NFIA: variants seen among roughly 807,000 people sequenced by gnomAD.
The protein encoded by NFIA is nuclear factor I A.
In NFIA, 8 loss-of-function variants were observed where a neutral mutation model predicts 62.8. The observed-to-expected ratio is 0.13, with a 90% CI of 0.07 to 0.23. The LOEUF (loss-of-function observed/expected upper bound fraction) is 0.23. NFIA is among the 10% of genes least tolerant of loss of function. The pLI, the probability that NFIA is intolerant of heterozygous loss-of-function variation, is 1.00. For synonymous variants in NFIA, 235 were observed against 238.1 expected, an observed-to-expected ratio of 0.99 and a Z score of 0.12; for missense variants, 410 against 642.1, an observed-to-expected ratio of 0.64 and a Z score of 3.91.
intron 2 of NFIA, among the ~76,000 whole-genome samples, chr1:61,249,772 C>T (rs1469076469): frequency 6.6e-6 from 1 of 152,066 alleles, no homozygotes; most frequent in African/African-American, 2.4e-5. Context: ...AAGATCATGC[C>T]ACAGCATTCC....
intron 2 of NFIA, among the ~76,000 whole-genome samples, chr1:61,221,525 T>C (rs1654014940): frequency 6.6e-6 from 1 of 152,152 alleles, no homozygotes; most frequent in South Asian, 2.1e-4. Flanking sequence ...TTAGCATTTA[T>C]TGTAAAAGCT....
chr1:61,341,372 G>A (rs957287372), intron 4 of NFIA, among the ~76,000 whole-genome samples: 1 of 152,096 alleles, frequency 6.6e-6, no homozygotes, highest in East Asian at 1.9e-4. Flanking sequence ...ATTCTTAAAA[G>A]TAGTACTTAG....
chr1:61,083,170 G>C (rs1168989399), intron 1 of NFIA, among the ~76,000 whole-genome samples: 1 of 152,158 alleles, frequency 6.6e-6, no homozygotes, highest in Non-Finnish European at 1.5e-5. Context: ...TTTCGGCGGG[G>C]TTGCAGTCCA....
At chr1:61,339,783 A>C (rs199811804) in intron 4 of NFIA, among the ~76,000 whole-genome samples, 1,586 of 65,434 alleles carry the variant, frequency 0.024, 26 homozygotes, top group African/African-American at 0.064. Context: ...ATGGGTGGCC[A>C]AGCTTGATTT....
chr1:61,214,388 A>G lies in NFIA; in HGVS notation c.560-63132A>G, dbSNP rs183442558. On this transcript the variant is annotated intron_variant, in intron 2 of 10. Transcript: ENST00000403491. ...TGCTAATATCTTACATAGAATCTCA[A>G]TGATGGGAATTGGGAGTAGAAGGCA... is the stretch of plus-strand genomic sequence containing the variant. Among the ~76,000 whole-genome samples, 10 of 152,268 alleles carry G rather than the reference A, an allele frequency of 6.6e-5. No homozygotes were observed. In the East Asian group the frequency reaches 1.4e-3, roughly 21 times the overall value.
intron 9 of NFIA, among the ~76,000 whole-genome samples, chr1:61,419,354 G>T (rs539775070): frequency 6.6e-6 from 1 of 152,268 alleles, no homozygotes; most frequent in African/African-American, 2.4e-5. Context: ...AAAAGCTGAG[G>T]TGGGAAGATC....
chr1:61,414,511 A>G (rs1458587122), intron 9 of NFIA, among the ~76,000 whole-genome samples: 1 of 150,168 alleles, frequency 6.7e-6, no homozygotes. Flanking sequence ...CTTTAGCCCA[A>G]AGCTTCTTGG....
intron 9 of NFIA, among the ~76,000 whole-genome samples, chr1:61,425,859 TG>T (rs1174619831): frequency 2.0e-4 from 31 of 152,300 alleles, no homozygotes; most frequent in African/African-American, 7.0e-4. Flanking sequence ...AGACTACAAA[TG>T]TTAATATGAA....
rs1267689850 is a variant in NFIA at position 61,455,509 on chromosome 1, T to C, written c.*189T>C. ...TCAAACAGCAAAGGCCATAACCTTT[T>C]GGGATTTTTTTTTTTTTAAAATACT... is the stretch of plus-strand genomic sequence containing the variant. On this transcript the variant is annotated 3_prime_UTR_variant, in exon 11 of 11. Transcript: ENST00000403491. 2 of 822,800 alleles carry C rather than the reference T, an allele frequency of 2.4e-6. No homozygotes were observed. The highest frequency in any genetic ancestry group is 3.7e-6 in the Non-Finnish European group (2 of 547,502). The allele number at this position is 822,800 out of a possible 1,614,324, so 51.0% of individuals were successfully genotyped here.
Position 61,115,957 on chromosome 1 carries a change from C to G in NFIA, c.559+27277C>G, listed in dbSNP as rs187957410. Among the ~76,000 whole-genome samples, 370 of 151,746 alleles carry G rather than the reference C, an allele frequency of 2.4e-3. 1 individual carries two copies. Among genetic ancestry groups the G allele is most frequent in the Admixed American group, 5.1e-3 (78 of 15,256 alleles). ...TCCCTGTTCTTTTTCTTCTTTCACT[C>G]TGCAGCTGGATTCTGCCTTTCCTCC... On this transcript the variant is annotated intron_variant, in intron 2 of 10. Transcript: ENST00000403491.
intron 2 of NFIA, among the ~76,000 whole-genome samples, chr1:61,231,149 C>T (rs1481617894): frequency 6.6e-6 from 1 of 152,108 alleles, no homozygotes; most frequent in Non-Finnish European, 1.5e-5. Flanking sequence ...ATATTTTTAA[C>T]AAATTTGATA....
At chr1:61,217,851 T>C in intron 2 of NFIA, among the ~76,000 whole-genome samples, 1 of 152,216 alleles carries the variant, frequency 6.6e-6, no homozygotes, top group Non-Finnish European at 1.5e-5. Flanking sequence ...ATTCTGGGAC[T>C]TTGGGCAGGC....
chr1:61,255,659 C>T (rs2100223895), intron 2 of NFIA, among the ~76,000 whole-genome samples: 1 of 152,214 alleles, frequency 6.6e-6, no homozygotes, highest in African/African-American at 2.4e-5. Flanking sequence ...TATTGTGTTC[C>T]ATAGTGGAAA....
chr1:61,089,014 A>G (rs920207578), intron 2 of NFIA, among the ~76,000 whole-genome samples: 1 of 152,214 alleles, frequency 6.6e-6, no homozygotes, highest in African/African-American at 2.4e-5. Flanking sequence ...TTAACTGACA[A>G]ATGATCTAGT....
At chr1:61,157,387 G>T (rs999381233) in intron 2 of NFIA, among the ~76,000 whole-genome samples, 6 of 151,962 alleles carry the variant, frequency 3.9e-5, no homozygotes, top group Admixed American at 3.3e-4. Flanking sequence ...CAACACACTC[G>T]AATGAGCACT....
intron 10 of NFIA, 109 bp from the exon 11 acceptor site, chr1:61,455,194 C>T (rs1427669213): frequency 4.6e-6 from 5 of 1,098,074 alleles, no homozygotes; most frequent in Non-Finnish European, 6.8e-6. Context: ...CAGCGAATCC[C>T]TCCCGCATCC....
intron 2 of NFIA, among the ~76,000 whole-genome samples, chr1:61,123,757 T>C (rs1272485918): frequency 6.6e-6 from 1 of 152,232 alleles, no homozygotes; most frequent in East Asian, 1.9e-4. Context: ...TTAACCTCTT[T>C]CCTCACATTG....
intron 2 of NFIA, among the ~76,000 whole-genome samples, chr1:61,208,342 G>A (rs1427636364): frequency 6.6e-6 from 1 of 152,180 alleles, no homozygotes; most frequent in Non-Finnish European, 1.5e-5. Flanking sequence ...TCCATGCCAG[G>A]CAGAGTGAGC....
At chr1:61,381,916 A>G (rs1664436361) in intron 6 of NFIA, among the ~76,000 whole-genome samples, 1 of 152,238 alleles carries the variant, frequency 6.6e-6, no homozygotes, top group Admixed American at 6.5e-5. Flanking sequence ...GGAAAGATCT[A>G]TACCTATAAA....
Sources: allele counts gnomAD v4.1 joint callset (sites outside exome capture counted in the v4.1 genomes callset), GRCh38; gene constraint gnomAD v4.1.1; transcripts MANE v1.5; gene names NCBI Gene and HGNC (gene_info 2026-07-23, HGNC 2026-07-21).